The following CSF2RA variants were observed in gnomAD, a reference collection of about 807,000 sequenced individuals.
The protein encoded by CSF2RA is colony stimulating factor 2 receptor subunit alpha, also known as granulocyte-macrophage colony-stimulating factor receptor subunit alpha.
Under a neutral mutation model 51.6 loss-of-function variants are expected in CSF2RA, and 42 were observed. That is an observed-to-expected ratio of 0.81 (90% confidence interval 0.64 to 1.05). The LOEUF is 1.05. Among genes scored for constraint, CSF2RA ranks in the 50% least tolerant of loss-of-function variants. The pLI, the probability that CSF2RA is intolerant of heterozygous loss-of-function variation, is 0.00. For missense variants in CSF2RA, 530 were observed against 501.1 expected (o/e 1.06, Z -0.55); for synonymous variants, 222 against 193.0 (o/e 1.15, Z -1.24).
intron 7 of CSF2RA, among the ~76,000 whole-genome samples, chrX:1,291,999 G>C (rs768286669): frequency 1.4e-5 from 2 of 148,126 alleles, no homozygotes; most frequent in African/African-American, 4.9e-5. Context: ...TGTAGACAAA[G>C]AGGTGTCCCT....
chrX:1,322,267 G>A, the CSF2RA span, among the ~76,000 whole-genome samples: 12 of 98,962 alleles, frequency 1.2e-4, no homozygotes, highest in African/African-American at 1.7e-4. Flanking sequence ...CACGTCACCC[G>A]GCTATTTTTT....
intron 2 of CSF2RA, among the ~76,000 whole-genome samples, chrX:1,279,988 C>T (rs1439949554): frequency 6.6e-6 from 1 of 151,844 alleles, no homozygotes; most frequent in African/African-American, 2.4e-5. Context: ...TGAGGTTTCA[C>T]CGTATTAGCC....
chrX:1,279,513 C>T (rs1199261289), intron 2 of CSF2RA, among the ~76,000 whole-genome samples: 4 of 151,830 alleles, frequency 2.6e-5, no homozygotes, highest in African/African-American at 9.7e-5. Context: ...CAAGGTCAGG[C>T]CCACCCAGAC....
chrX:1,276,292 C>T (rs2089184479), intron 2 of CSF2RA, among the ~76,000 whole-genome samples: 1 of 151,870 alleles, frequency 6.6e-6, no homozygotes, highest in African/African-American at 2.4e-5. Flanking sequence ...CCTCAGCCTC[C>T]AGAAGTACTG....
At position 1,302,338 on chromosome X, in the gene CSF2RA, G is replaced by A. The variant is rs745599013; in HGVS notation, c.947-1585G>A. Among the ~76,000 whole-genome samples, 180 of 152,070 alleles carry A rather than the reference G, an allele frequency of 1.2e-3. 3 individuals are homozygous for A. Among genetic ancestry groups the A allele is most frequent in the African/African-American group, 4.2e-3 (174 of 41,514 alleles). ...AGGGGCAGGATATTGAGAAGTATGC[G>A]GTTTTCACCTCAACAAAGGGTACAG... On this transcript the variant is annotated intron_variant, in intron 10 of 12. Transcript: ENST00000381529.
chrX:1,311,321 G>A (rs2084173218), downstream of CSF2RA, among the ~76,000 whole-genome samples: 1 of 151,696 alleles, frequency 6.6e-6, no homozygotes, highest in African/African-American at 2.4e-5. Flanking sequence ...CTCCCACCAT[G>A]TAACACCAGC....
At chrX:1,314,993 C>CCCACTG (rs2084507605), downstream of CSF2RA, among the ~76,000 whole-genome samples, 1 of 131,862 alleles carries the variant, frequency 7.6e-6, no homozygotes, top group African/African-American at 2.7e-5. Context: ...CGCACTGCAC[C>CCCACTG]TGCCCAACCC....
At chrX:1,315,881 A>C in the CSF2RA span, among the ~76,000 whole-genome samples, 1 of 91,182 alleles carries the variant, frequency 1.1e-5, no homozygotes, top group Non-Finnish European at 2.3e-5. Flanking sequence ...GATGACAGAT[A>C]GATAGACTCT....
At chrX:1,306,372 C>G (rs2083567184) in intron 12 of CSF2RA, among the ~76,000 whole-genome samples, 1 of 151,814 alleles carries the variant, frequency 6.6e-6, no homozygotes, top group African/African-American at 2.4e-5. Context: ...GGGGGCCGGT[C>G]GCGGTGACTC....
intron 2 of CSF2RA, among the ~76,000 whole-genome samples, chrX:1,275,837 C>T (rs2089118905): frequency 6.6e-6 from 1 of 152,024 alleles, no homozygotes; most frequent in Non-Finnish European, 1.5e-5. Flanking sequence ...GGATTACAGG[C>T]ACCCGCCACC....
chrX:1,313,676 C>T (rs748331089), downstream of CSF2RA, among the ~76,000 whole-genome samples: 5 of 151,934 alleles, frequency 3.3e-5, no homozygotes, highest in South Asian at 1.0e-3. Context: ...CACGCCATTG[C>T]ACTCCAATCT....
Position 1,294,340 on chromosome X carries a change from C to A in CSF2RA, c.659C>A (p.Pro220His). The A allele has an allele frequency of 1.2e-6, 2 of 1,613,608 alleles. No homozygotes were observed. The highest frequency in any genetic ancestry group is 1.7e-6 in the Non-Finnish European group (2 of 1,179,858). The change falls in exon 8 of 13, where the codon CCT becomes CAT. Residue 220 changes from proline to histidine, a missense_variant. Physicochemically the swap from Pro to His is moderately conservative, Grantham distance 77. Coordinates refer to ENST00000381529, the MANE Select transcript of CSF2RA (RefSeq NM_172245.4). ...LDTKKIERFN[P>H]PSNVTVRCNT... The stretch of plus-strand genomic sequence containing the variant: ...GCCCTCGTTACAGAACGATTCAACC[C>A]TCCCAGCAATGTCACCGTACGTTGC...
At chrX:1,316,091 G>A in the CSF2RA span, among the ~76,000 whole-genome samples, 325 of 77,778 alleles carry the variant, frequency 4.2e-3, 1 homozygote, top group African/African-American at 0.011. Context: ...ATAGATAAAT[G>A]GATAGATAGA....
intron 12 of CSF2RA, 66 bp downstream of exon 12, chrX:1,305,593 G>A: frequency 6.2e-7 from 1 of 1,613,946 alleles, no homozygotes; most frequent in Non-Finnish European, 8.5e-7. Flanking sequence ...GTGGGACACG[G>A]CCTCTGGGTG....
downstream of CSF2RA, among the ~76,000 whole-genome samples, chrX:1,314,490 CCACTGTGCCTGCCCAACCG>C (rs1569514889): frequency 1.1e-4 from 12 of 113,488 alleles, 1 homozygote; most frequent in Middle Eastern, 5.7e-3. Context: ...CTACCCAACC[CCACTGTGCCTGCCCAACCG>C]CACTGCACCT....
At chrX:1,281,077 CCTCCTT>C (rs2089960642) in intron 2 of CSF2RA, among the ~76,000 whole-genome samples, 1 of 74,518 alleles carries the variant, frequency 1.3e-5, no homozygotes, top group African/African-American at 6.2e-5. Flanking sequence ...TTCTCCTCCT[CCTCCTT>C]CTCCTCCTGC....
In CSF2RA at chrX:1,309,677, A is replaced by G. The variant is rs761421919; in HGVS notation, c.*198A>G. ...CAAGGCAGGCGGATCACCTGAGGTC[A>G]GGAGTTCAAGACCAGCCTGCCCAAC... On this transcript the variant is annotated 3_prime_UTR_variant, in exon 13 of 13. Transcript: ENST00000381529. 6.5e-6 allele frequency: 8 copies of G among 1,225,492 alleles called. No individual in the cohort carries two copies. Among genetic ancestry groups the G allele is most frequent in the African/African-American group, 6.0e-5 (4 of 67,038 alleles). 75.9% of individuals were successfully genotyped at this position (1,225,492 alleles called of 1,614,324 possible).
chrX:1,306,480 CT>C (rs1603436792), intron 12 of CSF2RA, among the ~76,000 whole-genome samples: 1 of 152,054 alleles, frequency 6.6e-6, no homozygotes, highest in African/African-American at 2.4e-5. Context: ...AACCTCGTCT[CT>C]ACTAAAATTG....
chrX:1,284,953 C>T (rs2090469742), intron 3 of CSF2RA, among the ~76,000 whole-genome samples: 1 of 152,024 alleles, frequency 6.6e-6, no homozygotes, highest in Admixed American at 6.6e-5. Context: ...AGGCATGAGC[C>T]ACCGCGCCTG....
Sources: gnomAD v4.1 joint callset for allele counts (sites outside exome capture counted in the v4.1 genomes callset) on GRCh38, gnomAD v4.1.1 for gene constraint, MANE v1.5 for transcripts, NCBI Gene and HGNC (gene_info 2026-07-23, HGNC 2026-07-21) for gene names.